The following LEKR1 variants were observed in gnomAD, a reference collection of about 807,000 sequenced individuals.
LEKR1 encodes the protein protein LEKR1.
Under a neutral mutation model 72.4 loss-of-function variants are expected in LEKR1, and 59 were observed. That is an observed-to-expected ratio of 0.82 (90% CI 0.66 to 1.01). The LOEUF (loss-of-function observed/expected upper bound fraction) is 1.01, where lower values mean the gene tolerates loss of function less well. LEKR1 is among the 50% of genes least tolerant of loss of function. The pLI is 0.00. For synonymous variants in LEKR1, 257 were observed against 263.2 expected (o/e 0.98, Z 0.23); for missense variants, 728 against 759.2 (o/e 0.96, Z 0.48).
chr3:156,881,484 T>C (rs1451834936), intron 3 of LEKR1, among the ~76,000 whole-genome samples: 3 of 152,028 alleles, frequency 2.0e-5, no homozygotes, highest in Non-Finnish European at 2.9e-5. Context: ...CAAACCACTG[T>C]TCAAGGAAAT....
At chr3:156,985,089 GTTTA>G (rs918625428) in intron 7 of LEKR1, among the ~76,000 whole-genome samples, 5 of 152,042 alleles carry the variant, frequency 3.3e-5, no homozygotes, top group African/African-American at 1.2e-4. Flanking sequence ...AACAGGCTAT[GTTTA>G]TTTCATTTAT....
chr3:157,006,467 A>ATACC (rs1248722672), intron 9 of LEKR1, among the ~76,000 whole-genome samples: 1 of 152,244 alleles, frequency 6.6e-6, no homozygotes, highest in Non-Finnish European at 1.5e-5. Context: ...AGTTAAATAT[A>ATACC]TACCTACCTT....
chr3:156,888,134 T>C (rs1720293533), intron 3 of LEKR1, among the ~76,000 whole-genome samples: 2 of 152,142 alleles, frequency 1.3e-5, no homozygotes, highest in Admixed American at 1.3e-4. Context: ...CAGTTGAATG[T>C]GATTGCGTAG....
intron 3 of LEKR1, among the ~76,000 whole-genome samples, chr3:156,903,354 C>T (rs1275848505): frequency 2.0e-5 from 3 of 151,870 alleles, no homozygotes; most frequent in Non-Finnish European, 4.4e-5. Context: ...AATTATTTCC[C>T]TTAATTCCAT....
At chr3:157,035,343 A>G (rs890304736) in intron 12 of LEKR1, among the ~76,000 whole-genome samples, 13 of 152,210 alleles carry the variant, frequency 8.5e-5, no homozygotes, top group African/African-American at 3.1e-4. Context: ...CAAACAGATC[A>G]TCAGAGATGT....
intron 3 of LEKR1, among the ~76,000 whole-genome samples, chr3:156,905,705 G>T (rs1430575835): frequency 1.3e-5 from 2 of 152,070 alleles, no homozygotes; most frequent in Non-Finnish European, 2.9e-5. Context: ...ATAATAGTTG[G>T]ATCCCCCCAT....
intron 12 of LEKR1, among the ~76,000 whole-genome samples, chr3:157,032,479 C>G (rs998519110): frequency 6.6e-6 from 1 of 152,166 alleles, no homozygotes; most frequent in African/African-American, 2.4e-5. Context: ...ATGTTTATCT[C>G]TACTTCATTC....
At chr3:157,023,852 A>G (rs1202409058) in intron 10 of LEKR1, among the ~76,000 whole-genome samples, 5 of 152,222 alleles carry the variant, frequency 3.3e-5, no homozygotes, top group African/African-American at 4.8e-5. Flanking sequence ...GAGTCAAAGT[A>G]TGGATACAGA....
intron 3 of LEKR1, among the ~76,000 whole-genome samples, chr3:156,886,327 C>T (rs1380952503): frequency 2.6e-5 from 4 of 152,086 alleles, no homozygotes; most frequent in Admixed American, 6.5e-5. Flanking sequence ...TACCCCAGGC[C>T]GTGAGCTACT....
rs563347776 is a variant in LEKR1, at chr3:156,879,789, G to T, written c.263+26807G>T. On this transcript the variant is annotated intron_variant, in intron 3 of 12. Coordinates refer to ENST00000356539, the MANE Select transcript of LEKR1 (RefSeq NM_001004316.3). Reference sequence around the variant, plus strand: ...GACACACTAGCCATGGCTAAAAGGCGCCAAGGTACAGCTCGGGTTGTGGCT... The same window carrying T: ...GACACACTAGCCATGGCTAAAAGGCTCCAAGGTACAGCTCGGGTTGTGGCT... Among the ~76,000 whole-genome samples the T allele has an allele frequency of 9.3e-4, 141 of 152,322 alleles. 1 individual carries two copies. Among genetic ancestry groups the T allele is most frequent in the East Asian group, 3.5e-3 (18 of 5,184 alleles).
chr3:157,012,067 A>G (rs2108023521), intron 10 of LEKR1, among the ~76,000 whole-genome samples: 1 of 152,252 alleles, frequency 6.6e-6, no homozygotes. Flanking sequence ...TCAACAATGA[A>G]TAGGTATTAC....
intron 7 of LEKR1, among the ~76,000 whole-genome samples, chr3:156,982,923 C>A (rs1730357014): frequency 6.6e-6 from 1 of 151,534 alleles, no homozygotes; most frequent in African/African-American, 2.4e-5. Context: ...GAGCTAGAGA[C>A]AGGTAGCATA....
At chr3:156,833,693 T>A (rs750642393) in intron 2 of LEKR1, among the ~76,000 whole-genome samples, 1 of 152,140 alleles carries the variant, frequency 6.6e-6, no homozygotes, top group Non-Finnish European at 1.5e-5. Context: ...AAAAAATTAA[T>A]GAAATCAAAA....
At chr3:156,829,224 C>A in intron 1 of LEKR1, 62 bp from the exon 2 acceptor site, 1 of 653,752 alleles carries the variant, frequency 1.5e-6, no homozygotes, top group South Asian at 1.9e-5. Context: ...GTTTATAAAG[C>A]ATCTTAATTT....
chr3:157,006,161 G>T (rs916605710), intron 9 of LEKR1, among the ~76,000 whole-genome samples: 6 of 151,584 alleles, frequency 4.0e-5, no homozygotes, highest in Non-Finnish European at 7.4e-5. Flanking sequence ...GCCCGCCACC[G>T]CGCCCGGCTA....
At chr3:156,854,509 T>C (rs897600017) in intron 3 of LEKR1, among the ~76,000 whole-genome samples, 6 of 151,846 alleles carry the variant, frequency 4.0e-5, no homozygotes, top group Admixed American at 3.9e-4. Flanking sequence ...TTTACCTTTA[T>C]TACAAATGTA....
intron 3 of LEKR1, among the ~76,000 whole-genome samples, chr3:156,886,573 AG>A (rs960232550): frequency 4.6e-5 from 7 of 152,146 alleles, no homozygotes; most frequent in African/African-American, 1.7e-4. Context: ...AGATACAGTC[AG>A]GGATGGCTTC....
At chr3:157,005,987 A>C (rs982067048) in intron 9 of LEKR1, among the ~76,000 whole-genome samples, 1 of 151,644 alleles carries the variant, frequency 6.6e-6, no homozygotes, top group Non-Finnish European at 1.5e-5. Flanking sequence ...CCACAATAAG[A>C]TACTACTATA....
At chr3:156,896,999 A>G (rs1463330226) in intron 3 of LEKR1, among the ~76,000 whole-genome samples, 3 of 152,308 alleles carry the variant, frequency 2.0e-5, no homozygotes, top group South Asian at 2.1e-4. Flanking sequence ...CTAAACATTG[A>G]GTACACATGG....
Sources: gnomAD v4.1 joint callset for allele counts (sites outside exome capture counted in the v4.1 genomes callset) on GRCh38, gnomAD v4.1.1 for gene constraint, MANE v1.5 for transcripts, NCBI Gene and HGNC (gene_info 2026-07-23, HGNC 2026-07-21) for gene names.